The following PDE5A variants were observed in gnomAD, a reference collection of about 807,000 sequenced individuals.
The protein encoded by PDE5A is cGMP-specific 3',5'-cyclic phosphodiesterase.
A neutral mutation model predicts 110.2 loss-of-function variants in PDE5A; 67 were observed. The observed-to-expected ratio is 0.61, with a 90% confidence interval of 0.50 to 0.75. The LOEUF is 0.75. Ranked by LOEUF, PDE5A falls within the 30% of genes least tolerant of loss-of-function variation. The pLI, the probability that PDE5A is intolerant of heterozygous loss-of-function variation, is 0.00. For missense variants in PDE5A, 862 were observed against 1,045.1 expected (o/e 0.82, Z 2.42); for synonymous variants, 328 against 351.2 (o/e 0.93, Z 0.74).
At chr4:119,625,333 C>T (rs1431377565) in intron 1 of PDE5A, among the ~76,000 whole-genome samples, 1 of 152,110 alleles carries the variant, frequency 6.6e-6, no homozygotes, top group Non-Finnish European at 1.5e-5. Context: ...TAGCTCTCTA[C>T]TTGAAGACAG....
At chr4:119,521,841 A>T (rs1726141252) in intron 12 of PDE5A, among the ~76,000 whole-genome samples, 1 of 152,016 alleles carries the variant, frequency 6.6e-6, no homozygotes, top group Admixed American at 6.6e-5. Context: ...CCAGAGACTC[A>T]TGGGCCCTAA....
intron 9 of PDE5A, among the ~76,000 whole-genome samples, chr4:119,551,357 C>G (rs1560612055): frequency 6.6e-6 from 1 of 152,116 alleles, no homozygotes; most frequent in South Asian, 2.1e-4. Flanking sequence ...CATGAGCTAA[C>G]CTACACTGGA....
At chr4:119,580,817 A>T (rs1035179383) in intron 3 of PDE5A, among the ~76,000 whole-genome samples, 1 of 152,240 alleles carries the variant, frequency 6.6e-6, no homozygotes, top group African/African-American at 2.4e-5. Context: ...TCAATAAAAA[A>T]TTTTGTATAT....
At chr4:119,599,790 T>C (rs1327603742) in intron 2 of PDE5A, among the ~76,000 whole-genome samples, 2 of 150,644 alleles carry the variant, frequency 1.3e-5, no homozygotes, top group African/African-American at 2.4e-5. Flanking sequence ...AGCTGAAAAA[T>C]ATTTAAAGAC....
At chr4:119,565,600 G>A (rs1727903255) in intron 4 of PDE5A, among the ~76,000 whole-genome samples, 190 bp from the exon 5 acceptor site, 1 of 151,840 alleles carries the variant, frequency 6.6e-6, no homozygotes, top group Non-Finnish European at 1.5e-5. Flanking sequence ...GTATAAATTA[G>A]GTATAAATCA....
At chr4:119,541,646 T>C (rs1164114402) in intron 10 of PDE5A, 5 of 152,204 alleles carry the variant, frequency 3.3e-5, no homozygotes, top group African/African-American at 1.2e-4. Flanking sequence ...AATGTTATTA[T>C]ATCCCAAACA....
intron 18 of PDE5A, among the ~76,000 whole-genome samples, chr4:119,502,914 T>TTTTC (rs1441904327): frequency 9.6e-5 from 13 of 135,850 alleles, no homozygotes; most frequent in Middle Eastern, 3.8e-3. Flanking sequence ...TTTAAAAATG[T>TTTTC]TTTCTTCATT....
rs117167449 is a variant in PDE5A, at chr4:119,530,717, G to A, written c.1633-5022C>T. The stretch of plus-strand genomic sequence containing the variant: ...TTAAATATTGAATGAATAAATAAAT[G>A]GGTTTTTAAATCATCTAGTACCTAA... On this transcript the variant is annotated intron_variant, in intron 11 of 20. Coordinates refer to ENST00000354960, the MANE Select transcript of PDE5A (RefSeq NM_001083.4). Among the ~76,000 whole-genome samples the A allele has an allele frequency of 1.4e-3, 213 of 152,010 alleles. 6 individuals carry two copies. The East Asian group carries it at 0.024, about 17-fold the overall frequency.
intron 17 of PDE5A, 56 bp downstream of exon 17, chr4:119,505,799 G>T: frequency 2.0e-6 from 2 of 999,652 alleles, no homozygotes; most frequent in Non-Finnish European, 3.0e-6. Flanking sequence ...GGAAAAAATA[G>T]TGAGAAAATT....
chr4:119,520,894 C>T (rs770525424), intron 13 of PDE5A, 41 bp downstream of exon 13: 1 of 1,520,540 alleles, frequency 6.6e-7, no homozygotes. Context: ...TACTACTAAG[C>T]AACAAAATGT....
intron 13 of PDE5A, 80 bp downstream of exon 13, chr4:119,520,855 G>A (rs1044048238): frequency 1.7e-6 from 2 of 1,194,902 alleles, no homozygotes; most frequent in African/African-American, 3.1e-5. Flanking sequence ...GCACCTTAAA[G>A]TGAAATTGAA....
rs1428934891 is a variant in PDE5A, at chr4:119,565,390, T to C, written c.924A>G (p.Ala308=). Residue 308 remains alanine, a synonymous_variant, in exon 5 of 21, where the codon GCA becomes GCG. Transcript: ENST00000354960. The part of the protein sequence containing the change: ...KDEKDFAAYL[A]FCGIVLHNAQ... ...CATTATGAAGAACAATACCACAAAA[T>C]GCCAAATAAGCAGCAAAGTCCTAAA... The C allele has an allele frequency of 6.2e-7, 1 of 1,611,656 alleles. No individual in the cohort carries two copies. The highest frequency in any genetic ancestry group is 1.3e-5 in the African/African-American group (1 of 74,868).
At chr4:119,514,612 A>T (rs1725851930) in intron 14 of PDE5A, among the ~76,000 whole-genome samples, 1 of 152,056 alleles carries the variant, frequency 6.6e-6, no homozygotes, top group African/African-American at 2.4e-5. Flanking sequence ...CTCTTTGCAC[A>T]TAATGATGGA....
chr4:119,560,409 T>G, intron 6 of PDE5A, 46 bp from the exon 7 acceptor site: 1 of 1,277,098 alleles, frequency 7.8e-7, no homozygotes, highest in Non-Finnish European at 1.1e-6. Flanking sequence ...GACAAGGTAA[T>G]GAAAACTATC....
intron 3 of PDE5A, among the ~76,000 whole-genome samples, chr4:119,592,389 C>T (rs1244604115): frequency 1.5e-5 from 2 of 136,898 alleles, no homozygotes; most frequent in Non-Finnish European, 3.1e-5. Flanking sequence ...ACCCGGGAGG[C>T]GGAGGCTGCA....
At chr4:119,548,524 C>A (rs1015861452) in intron 9 of PDE5A, 22 of 151,936 alleles carry the variant, frequency 1.4e-4, no homozygotes, top group African/African-American at 5.1e-4. Flanking sequence ...TATTGTTATC[C>A]CTATTCAATT....
At chr4:119,516,626 C>A (rs922713655) in intron 14 of PDE5A, among the ~76,000 whole-genome samples, 2 of 147,136 alleles carry the variant, frequency 1.4e-5, no homozygotes, top group Middle Eastern at 6.9e-3. Context: ...TGAGATCATT[C>A]TTTTTTTTTT....
chr4:119,549,919 A>T (rs1259807846), intron 9 of PDE5A: 1 of 152,190 alleles, frequency 6.6e-6, no homozygotes, highest in Non-Finnish European at 1.5e-5. Flanking sequence ...GGAAAAAATG[A>T]GAAGAAGGAA....
intron 1 of PDE5A, among the ~76,000 whole-genome samples, chr4:119,610,912 C>G (rs1729718476): frequency 6.6e-6 from 1 of 152,194 alleles, no homozygotes; most frequent in Admixed American, 6.5e-5. Flanking sequence ...ATTCTCCACA[C>G]AGCAGCCACA....
Sources: gnomAD v4.1 joint callset for allele counts (sites outside exome capture counted in the v4.1 genomes callset) on GRCh38, gnomAD v4.1.1 for gene constraint, MANE v1.5 for transcripts, NCBI Gene and HGNC (gene_info 2026-07-23, HGNC 2026-07-21) for gene names.